TRIO: variants seen among roughly 807,000 people sequenced by gnomAD.
TRIO encodes the protein trio Rho guanine nucleotide exchange factor, also known as triple functional domain protein.
Under a neutral mutation model 351.9 loss-of-function variants are expected in TRIO, and 58 were observed. That is an observed-to-expected ratio of 0.16 (90% confidence interval 0.13 to 0.21). The LOEUF (loss-of-function observed/expected upper bound fraction) is 0.21, where lower values mean the gene tolerates loss of function less well. Among genes scored for constraint, TRIO ranks in the 10% least tolerant of loss-of-function variants. The pLI, the probability that TRIO is intolerant of heterozygous loss-of-function variation, is 1.00. For missense variants in TRIO, 3,201 were observed against 4,027.8 expected (o/e 0.79, Z 5.56); for synonymous variants, 1,758 against 1,595.7 (o/e 1.10, Z -2.42).
At chr5:14,150,883 CT>C (rs1273750225) in intron 1 of TRIO, among the ~76,000 whole-genome samples, 1 of 152,164 alleles carries the variant, frequency 6.6e-6, no homozygotes, top group African/African-American at 2.4e-5. Flanking sequence ...AATAAAGATT[CT>C]TTCCTGGGAT....
chr5:14,401,635 T>C (rs1748075738), intron 31 of TRIO, among the ~76,000 whole-genome samples: 1 of 152,232 alleles, frequency 6.6e-6, no homozygotes, highest in South Asian at 2.1e-4. Flanking sequence ...GTATATAGTC[T>C]TTGGGGGAGG....
Position 14,362,589 on chromosome 5 carries a change from T to C in TRIO, c.2392-1143T>C, listed in dbSNP as rs1011823841. On this transcript the variant is annotated intron_variant, in intron 13 of 56. Transcript: ENST00000344204. ...CAGTGTTTGTTCACTTGTATTATTT[T>C]AGATTGTGTAACTTTTAGTTTCCCT... is the stretch of plus-strand genomic sequence containing the variant. Among the ~76,000 whole-genome samples the C allele has an allele frequency of 2.6e-5, 4 of 152,256 alleles. 1 individual carries two copies. Among genetic ancestry groups the C allele is most frequent in the Non-Finnish European group, 4.4e-5 (3 of 68,050 alleles).
Position 14,488,104 on chromosome 5 carries a change from C to G in TRIO, c.7476C>G (p.Ser2492=). ...CCTTCTGGAGCTCCATCCCCGCCTC[C>G]CCCGCCAGCCGACCCGGCTCCTTCA... is the stretch of plus-strand genomic sequence containing the variant. ...GGSFWSSIPA[S]PASRPGSFTF... Residue 2492 remains serine (S), a synonymous_variant, in exon 48 of 57, where the codon TCC becomes TCG. Transcript: ENST00000344204. 2.5e-6 allele frequency: 4 copies of G among 1,609,864 alleles called. No individual in the cohort carries two copies. Among genetic ancestry groups the G allele is most frequent in the Non-Finnish European group, 2.5e-6 (3 of 1,179,178 alleles).
At chr5:14,459,959 C>A (rs27102) in intron 34 of TRIO, among the ~76,000 whole-genome samples, 77,452 of 151,624 alleles carry the variant, frequency 0.51, 22,923 homozygotes, top group African/African-American at 0.82. Context: ...TCTGTCGTTC[C>A]GGCTGGAGTG....
At chr5:14,413,448 T>C (rs573892138) in intron 33 of TRIO, among the ~76,000 whole-genome samples, 1 of 152,364 alleles carries the variant, frequency 6.6e-6, no homozygotes, top group East Asian at 1.9e-4. Flanking sequence ...ATCCCTATGA[T>C]AGGCATTCAG....
chr5:14,173,622 G>T, intron 1 of TRIO, among the ~76,000 whole-genome samples: 1 of 152,140 alleles, frequency 6.6e-6, no homozygotes, highest in East Asian at 1.9e-4. Context: ...TTCCTAGGAG[G>T]CTACAGGCAA....
intron 7 of TRIO, 68 bp downstream of exon 7, chr5:14,297,331 G>A (rs1248779671): frequency 6.6e-7 from 1 of 1,520,018 alleles, no homozygotes; most frequent in Non-Finnish European, 8.9e-7. Flanking sequence ...GAATATTGGT[G>A]TGTGTGCAAA....
chr5:14,352,060 A>G (rs911188930), intron 11 of TRIO, among the ~76,000 whole-genome samples: 1 of 152,168 alleles, frequency 6.6e-6, no homozygotes, highest in African/African-American at 2.4e-5. Flanking sequence ...GAGGCTTCCC[A>G]CATCTTAATC....
intron 34 of TRIO, among the ~76,000 whole-genome samples, chr5:14,425,446 A>G (rs544431156): frequency 1.3e-5 from 2 of 152,356 alleles, no homozygotes; most frequent in South Asian, 4.1e-4. Flanking sequence ...TGAGTTCAAC[A>G]TTCATCTGCT....
chr5:14,468,365 C>T (rs1239689793), intron 37 of TRIO, among the ~76,000 whole-genome samples: 2 of 152,268 alleles, frequency 1.3e-5, no homozygotes, highest in Non-Finnish European at 2.9e-5. Context: ...CCAGGCAAGT[C>T]CTTCAGCCTC....
intron 1 of TRIO, among the ~76,000 whole-genome samples, chr5:14,212,667 C>A (rs560176734): frequency 1.3e-5 from 2 of 152,106 alleles, no homozygotes; most frequent in African/African-American, 4.8e-5. Context: ...CTATGTCCCC[C>A]CAATCCCCAA....
At chr5:14,249,797 T>A (rs1794636369) in intron 1 of TRIO, among the ~76,000 whole-genome samples, 1 of 152,184 alleles carries the variant, frequency 6.6e-6, no homozygotes, top group Non-Finnish European at 1.5e-5. Flanking sequence ...TCAAGCTGCC[T>A]GACACCCAGA....
At chr5:14,322,811 G>T (rs1055846437) in intron 9 of TRIO, among the ~76,000 whole-genome samples, 2 of 152,194 alleles carry the variant, frequency 1.3e-5, no homozygotes, top group African/African-American at 4.8e-5. Context: ...TAATTAGAAT[G>T]GCTACAGGAT....
intron 10 of TRIO, among the ~76,000 whole-genome samples, chr5:14,331,486 A>C (rs1740900994): frequency 6.6e-6 from 1 of 152,222 alleles, no homozygotes; most frequent in African/African-American, 2.4e-5. Flanking sequence ...GAAGTAACAC[A>C]GCAGAGATTC....
At chr5:14,318,380 G>A (rs1387369419) in intron 9 of TRIO, among the ~76,000 whole-genome samples, 2 of 149,002 alleles carry the variant, frequency 1.3e-5, no homozygotes, top group African/African-American at 2.5e-5. Flanking sequence ...ACTTGAACTG[G>A]GGAGGCGGAG....
Position 14,324,216 on chromosome 5 carries a change from G to C in TRIO, c.1732-6562G>C, listed in dbSNP as rs1456864757. Among the ~76,000 whole-genome samples, 4 of 152,122 alleles carry C rather than the reference G, an allele frequency of 2.6e-5. No individual in the cohort carries two copies. In the South Asian group the frequency reaches 8.3e-4, roughly 32 times the overall value. The stretch of plus-strand genomic sequence containing the variant: ...TATTTTGCAACTGGAAAAAAAATCT[G>C]ACTTTGTATAAAAAAGAACAAATTC... On this transcript the variant is annotated intron_variant, in intron 9 of 56. Transcript: ENST00000344204.
At position 14,266,355 on chromosome 5, in the gene TRIO, T is replaced by C. The variant is rs75917467; in HGVS notation, c.158-4470T>C. On this transcript the variant is annotated intron_variant, in intron 1 of 56. Transcript: ENST00000344204. ...CATCTTTCTACCCAGCCAACCCACATCTGATGAATGCCCTTTGCCTGGCCC... is the reference window on the plus strand; with the variant it reads ...CATCTTTCTACCCAGCCAACCCACACCTGATGAATGCCCTTTGCCTGGCCC... Among the ~76,000 whole-genome samples the C allele has an allele frequency of 1.3e-4, 20 of 152,188 alleles. No individual in the cohort carries two copies. In the East Asian group the frequency reaches 2.9e-3, roughly 22 times the overall value.
Position 14,508,778 on chromosome 5 carries a change from C to T in TRIO, c.*356C>T, listed in dbSNP as rs913041879. On this transcript the variant is annotated 3_prime_UTR_variant, in exon 57 of 57. Coordinates refer to ENST00000344204, the MANE Select transcript of TRIO (RefSeq NM_007118.4). The stretch of plus-strand genomic sequence containing the variant: ...AAGGAAACAAAATGCCTATGTTCAA[C>T]CACTGGTGTTAATGAACAAAGATAC... 1 of 212,566 alleles carries T rather than the reference C, an allele frequency of 4.7e-6. No individual in the cohort carries two copies. The highest frequency in any genetic ancestry group is 5.3e-5 in the Admixed American group (1 of 18,916). The allele number at this position is 212,566 out of a possible 1,614,324, so 13.2% of individuals were successfully genotyped here.
At chr5:14,479,160 G>A (rs1368285267) in intron 41 of TRIO, 101 bp from the exon 42 acceptor site, 13 of 976,822 alleles carry the variant, frequency 1.3e-5, no homozygotes, top group Non-Finnish European at 2.1e-5. Context: ...TTGGTTTTAA[G>A]ATGAGTGCCT....
Sources: gnomAD v4.1 joint callset for allele counts (sites outside exome capture counted in the v4.1 genomes callset) on GRCh38, gnomAD v4.1.1 for gene constraint, MANE v1.5 for transcripts, NCBI Gene and HGNC (gene_info 2026-07-23, HGNC 2026-07-21) for gene names.